The following RPS6KC1 variants were observed in gnomAD, a reference collection of about 807,000 sequenced individuals.
The protein encoded by RPS6KC1 is inactive ribosomal protein S6 kinase delta-1.
A neutral mutation model predicts 103.8 loss-of-function variants in RPS6KC1; 54 were observed. The observed-to-expected ratio is 0.52, with a 90% CI of 0.42 to 0.65. The LOEUF is 0.65. RPS6KC1 is among the 30% of genes least tolerant of loss of function. RPS6KC1 has a pLI of 0.00. For synonymous variants in RPS6KC1, 439 were observed against 438.7 expected (o/e 1.00, Z -0.01); for missense variants, 1,151 against 1,253.8 (o/e 0.92, Z 1.24).
At chr1:213,407,224 ACAC>A in the RPS6KC1 span, among the ~76,000 whole-genome samples, 1 of 138,020 alleles carries the variant, frequency 7.2e-6, no homozygotes, top group Admixed American at 7.0e-5. Flanking sequence ...GCGCGCACAC[ACAC>A]ACACACACAC....
chr1:213,057,129 C>T (rs534768245), intron 1 of RPS6KC1, among the ~76,000 whole-genome samples: 74 of 151,966 alleles, frequency 4.9e-4, no homozygotes, highest in African/African-American at 1.7e-3. Flanking sequence ...TTTTAAGAGA[C>T]GGGGTTTCAC....
At chr1:213,227,940 G>GGC (rs2093997780) in intron 8 of RPS6KC1, among the ~76,000 whole-genome samples, 1 of 152,158 alleles carries the variant, frequency 6.6e-6, no homozygotes, top group Non-Finnish European at 1.5e-5. Context: ...AATTACATCT[G>GGC]AAAAGGCTTT....
At position 213,238,692 on chromosome 1, in the gene RPS6KC1, C is replaced by T. The variant is rs553323377; in HGVS notation, c.1226-2010C>T. ...TGGCCTAGGAATGAATGAAGCTTTTCTTAGAACTTTATTAAAAGGTACCAT... is the reference window on the plus strand; with the variant it reads ...TGGCCTAGGAATGAATGAAGCTTTTTTTAGAACTTTATTAAAAGGTACCAT... On this transcript the variant is annotated intron_variant, in intron 10 of 14. Coordinates refer to ENST00000366960, the MANE Select transcript of RPS6KC1 (RefSeq NM_012424.6). 3.3e-5 allele frequency among the ~76,000 whole-genome samples: 5 copies of T among 152,266 alleles called. No homozygotes were observed. The South Asian group carries it at 8.3e-4, about 25-fold the overall frequency.
At chr1:213,676,021 G>A in the RPS6KC1 span, among the ~76,000 whole-genome samples, 1 of 152,108 alleles carries the variant, frequency 6.6e-6, no homozygotes, top group Non-Finnish European at 1.5e-5. Context: ...TTCCCCTGTA[G>A]CTTGCTTTCC....
intron 6 of RPS6KC1, among the ~76,000 whole-genome samples, chr1:213,140,619 A>C (rs1000179246): frequency 6.6e-6 from 1 of 152,028 alleles, no homozygotes; most frequent in Admixed American, 6.6e-5. Context: ...TTTTAGTTCT[A>C]TTTATGTGGT....
the RPS6KC1 span, among the ~76,000 whole-genome samples, chr1:213,688,639 T>C: frequency 6.6e-6 from 1 of 152,220 alleles, no homozygotes. Flanking sequence ...TCCCAACTGC[T>C]CCTTACATTC....
intron 8 of RPS6KC1, chr1:213,205,385 A>T: frequency 1.0e-6 from 1 of 984,806 alleles, no homozygotes; most frequent in Non-Finnish European, 1.2e-6. Context: ...GAAGAAAGTG[A>T]TAAGGTAATG....
chr1:213,363,656 T>C, the RPS6KC1 span, among the ~76,000 whole-genome samples: 1 of 87,666 alleles, frequency 1.1e-5, no homozygotes, highest in Non-Finnish European at 2.1e-5. Context: ...CTTTCTTTCT[T>C]TCTTTCTTTC....
At chr1:213,096,172 A>G (rs1348183287) in intron 3 of RPS6KC1, among the ~76,000 whole-genome samples, 1 of 152,214 alleles carries the variant, frequency 6.6e-6, no homozygotes, top group Admixed American at 6.5e-5. Context: ...CTTCACCAGG[A>G]GTAGACTCCT....
chr1:213,759,857 G>A, the RPS6KC1 span, among the ~76,000 whole-genome samples: 7 of 152,292 alleles, frequency 4.6e-5, no homozygotes, highest in South Asian at 1.5e-3. Flanking sequence ...CCTCTAGCAA[G>A]CCCCCTCCTT....
chr1:213,072,994 TC>T (rs2079016644), intron 2 of RPS6KC1: 1 of 719,992 alleles, frequency 1.4e-6, no homozygotes, highest in Admixed American at 6.3e-5. Context: ...CTTGTAAGTG[TC>T]TTTTAGTTAG....
chr1:213,460,193 A>G, the RPS6KC1 span, among the ~76,000 whole-genome samples: 4 of 152,100 alleles, frequency 2.6e-5, no homozygotes, highest in African/African-American at 9.7e-5. Context: ...AAAATCTCCC[A>G]TTATTATTGT....
the RPS6KC1 span, among the ~76,000 whole-genome samples, chr1:213,723,297 T>A: frequency 1.3e-5 from 2 of 152,206 alleles, no homozygotes; most frequent in South Asian, 4.1e-4. Context: ...GTGACTGTAT[T>A]TGTTTGCTAG....
the RPS6KC1 span, among the ~76,000 whole-genome samples, chr1:213,290,308 C>A: frequency 2.6e-5 from 4 of 152,284 alleles, no homozygotes; most frequent in African/African-American, 4.8e-5. Context: ...AGTTGCCAAC[C>A]TTTTACTGTT....
chr1:213,860,954 G>A, the RPS6KC1 span, among the ~76,000 whole-genome samples: 26,306 of 151,710 alleles, frequency 0.17, 6,138 homozygotes, highest in African/African-American at 0.53. Context: ...TATTACAGGC[G>A]TGCACCAACA....
At chr1:213,817,569 A>G in the RPS6KC1 span, among the ~76,000 whole-genome samples, 1 of 152,210 alleles carries the variant, frequency 6.6e-6, no homozygotes, top group South Asian at 2.1e-4. Context: ...AGAGGGCTCA[A>G]AACAGTGCAA....
intron 6 of RPS6KC1, among the ~76,000 whole-genome samples, chr1:213,152,371 C>T (rs1435598514): frequency 3.5e-5 from 5 of 142,470 alleles, no homozygotes; most frequent in East Asian, 2.1e-4. Context: ...GCTGATGGGG[C>T]GGGGGGCTGA....
chr1:213,546,154 G>A, the RPS6KC1 span: 1 of 152,160 alleles, frequency 6.6e-6, no homozygotes, highest in African/African-American at 2.4e-5. Flanking sequence ...CTGTTCTTTG[G>A]GTAGTAATTT....
chr1:213,509,625 G>A, the RPS6KC1 span, among the ~76,000 whole-genome samples: 1,153 of 152,248 alleles, frequency 7.6e-3, 15 homozygotes, highest in African/African-American at 0.026. Flanking sequence ...CTTGGGCTCA[G>A]TCAACAGAGT....
Sources: allele counts gnomAD v4.1 joint callset (sites outside exome capture counted in the v4.1 genomes callset), GRCh38; gene constraint gnomAD v4.1.1; transcripts MANE v1.5; gene names NCBI Gene and HGNC (gene_info 2026-07-23, HGNC 2026-07-21).